GRM4: variants seen among roughly 807,000 people sequenced by gnomAD.
GRM4 encodes the protein metabotropic glutamate receptor 4.
In GRM4, 28 loss-of-function variants were observed where a neutral mutation model predicts 81.7. That is an observed-to-expected ratio of 0.34 (90% CI 0.25 to 0.47). The LOEUF (loss-of-function observed/expected upper bound fraction) is 0.47, where lower values mean the gene tolerates loss of function less well. Ranked by LOEUF, GRM4 falls within the 20% of genes least tolerant of loss-of-function variation. The pLI, the probability that GRM4 is intolerant of heterozygous loss-of-function variation, is 1.00. For missense variants in GRM4, 948 were observed against 1,290.0 expected, an observed-to-expected ratio of 0.73 and a Z score of 4.06; for synonymous variants, 488 against 528.8, an observed-to-expected ratio of 0.92 and a Z score of 1.06.
Position 34,028,167 on chromosome 6 carries a change from G to A in GRM4, c.2642C>T (p.Pro881Leu), listed in dbSNP as rs1358097046. ...GAGCTCAGACTTGGCCTCTCCGTTG[G>A]GCCGGAAGTTGCCCTTCTGCGTGAA... The part of the protein sequence containing the change: ...NKFTQKGNFR[P>L]NGEAKSELCE... Residue 881 changes from proline to leucine, a missense_variant, in exon 10 of 11, where the codon CCC becomes CTC. By Grantham distance (98) the Pro-to-Leu change is moderately conservative (BLOSUM62 -3). Transcript: ENST00000538487. 1 of 1,614,034 alleles carries A rather than the reference G, an allele frequency of 6.2e-7. No individual in the cohort carries two copies.
At chr6:34,150,376 C>T (rs1051739055), upstream of GRM4, among the ~76,000 whole-genome samples, 1 of 152,072 alleles carries the variant, frequency 6.6e-6, no homozygotes, top group Non-Finnish European at 1.5e-5. Flanking sequence ...AGGAGCACCC[C>T]GCAAGAGTGG....
intron 2 of GRM4, among the ~76,000 whole-genome samples, chr6:34,132,053 T>C (rs1005343860): frequency 6.6e-6 from 1 of 152,156 alleles, no homozygotes. Flanking sequence ...AAAATGCTTG[T>C]AATGTTTTTC....
chr6:34,045,757 A>G (rs561695790), intron 6 of GRM4, among the ~76,000 whole-genome samples: 1 of 152,352 alleles, frequency 6.6e-6, no homozygotes, highest in East Asian at 1.9e-4. Flanking sequence ...CCCCAGGACC[A>G]GGCAGGGGCA....
intron 2 of GRM4, among the ~76,000 whole-genome samples, chr6:34,109,965 T>C (rs1021814735): frequency 3.3e-5 from 5 of 152,138 alleles, no homozygotes; most frequent in African/African-American, 1.2e-4. Flanking sequence ...CTTCCCTTGG[T>C]GGTCTAGGTC....
chr6:34,065,447 A>G (rs76591831), intron 3 of GRM4, among the ~76,000 whole-genome samples: 10,896 of 152,280 alleles, frequency 0.072, 529 homozygotes, highest in Middle Eastern at 0.12. Flanking sequence ...GCCCTCAGGG[A>G]ACAAGCCCAC....
At position 34,049,272 on chromosome 6, in the gene GRM4, T is replaced by A. The variant is rs146479228; in HGVS notation, c.1168+7272A>T. ...ATACAATGGCCCCGTCCAGCCCTTG[T>A]CTCACTTGGCCCCTGGACAGCATGT... On this transcript the variant is annotated intron_variant, in intron 6 of 10. Coordinates refer to ENST00000538487, the MANE Select transcript of GRM4 (RefSeq NM_000841.4). 5.3e-4 allele frequency among the ~76,000 whole-genome samples: 80 copies of A among 152,158 alleles called. 1 individual carries two copies. The East Asian group carries it at 0.015, about 29-fold the overall frequency.
At chr6:34,098,879 G>C (rs999581544) in intron 2 of GRM4, among the ~76,000 whole-genome samples, 2 of 152,258 alleles carry the variant, frequency 1.3e-5, no homozygotes, top group Non-Finnish European at 2.9e-5. Context: ...GGGGGTGGGG[G>C]CTGGGAGGGG....
chr6:34,119,957 C>A (rs999222849), intron 2 of GRM4, among the ~76,000 whole-genome samples: 2 of 152,306 alleles, frequency 1.3e-5, no homozygotes, highest in Non-Finnish European at 2.9e-5. Context: ...CCAGCCCGTA[C>A]GCAGGCCTGA....
At chr6:34,153,382 C>A (rs781656837) in intron 1 of GRM4, among the ~76,000 whole-genome samples, 40 of 152,252 alleles carry the variant, frequency 2.6e-4, no homozygotes, top group Non-Finnish European at 4.6e-4. Context: ...CCATCCCCCA[C>A]ACTCCGGGCA....
rs1769373778 is a variant in GRM4, at chr6:34,111,345, A to G, written c.520-19246T>C. On this transcript the variant is annotated intron_variant, in intron 2 of 10. Coordinates refer to ENST00000538487, the MANE Select transcript of GRM4 (RefSeq NM_000841.4). This position sits in a 1 kb window ranked among gnomAD's most constrained non-coding sequence, Gnocchi z 5.1. Reference sequence around the variant, plus strand: ...TTGAGTCCCACACATACTTTCCTGGACTCACACTCACAGGCCTCTTGGTGG... The same window carrying G: ...TTGAGTCCCACACATACTTTCCTGGGCTCACACTCACAGGCCTCTTGGTGG... Among the ~76,000 whole-genome samples the G allele has an allele frequency of 6.8e-6, 1 of 147,988 alleles. No individual in the cohort carries two copies. The highest frequency in any genetic ancestry group is 2.5e-5 in the African/African-American group (1 of 39,472).
rs563969612 is a variant in GRM4, at chr6:34,028,171, G to A, written c.2638C>T (p.Arg880Trp). The change falls in exon 10 of 11, where the codon CGG becomes TGG. Residue 880 changes from arginine to tryptophan, a missense_variant. Physicochemically the swap from Arg to Trp is moderately radical, Grantham distance 101 (BLOSUM62 -3). Transcript: ENST00000538487. ...SNKFTQKGNF[R>W]PNGEAKSELC... ...TCAGACTTGGCCTCTCCGTTGGGCC[G>A]GAAGTTGCCCTTCTGCGTGAACTTG... 5.0e-6 allele frequency: 8 copies of A among 1,614,004 alleles called. No individual in the cohort carries two copies. The highest frequency in any genetic ancestry group is 3.3e-5 in the Admixed American group (2 of 60,028).
At chr6:34,138,527 G>A (rs146974981) in intron 1 of GRM4, among the ~76,000 whole-genome samples, 20 of 152,352 alleles carry the variant, frequency 1.3e-4, no homozygotes, top group Middle Eastern at 3.4e-3. Context: ...AAGGGGAAAT[G>A]AGGGAGAACT....
Position 34,059,487 on chromosome 6 carries a change from G to A in GRM4, c.873-359C>T, listed in dbSNP as rs1248537624. On this transcript the variant is annotated intron_variant, in intron 4 of 10. Transcript: ENST00000538487. This position sits in a 1 kb window ranked among gnomAD's most constrained non-coding sequence, Gnocchi z 5.7. Reference sequence around the variant, plus strand: ...CCCACAACCACCTCTGCCCAGCCCCGGTCCCCTGAGACGCATGCCTTCCTG... The same window carrying A: ...CCCACAACCACCTCTGCCCAGCCCCAGTCCCCTGAGACGCATGCCTTCCTG... 5 of 312,474 alleles carry A rather than the reference G, an allele frequency of 1.6e-5. No individual in the cohort carries two copies. The highest frequency in any genetic ancestry group is 1.5e-4 in the East Asian group (2 of 13,554). The allele number at this position is 312,474 out of a possible 1,614,324, so 19.4% of individuals were successfully genotyped here.
At position 34,090,237 on chromosome 6, in the gene GRM4, T is replaced by C. The variant is rs942793113; in HGVS notation, c.736+1646A>G. On this transcript the variant is annotated intron_variant, in intron 3 of 10. Coordinates refer to ENST00000538487, the MANE Select transcript of GRM4 (RefSeq NM_000841.4). This position sits in a 1 kb window ranked among gnomAD's most constrained non-coding sequence, Gnocchi z 5.2. The stretch of plus-strand genomic sequence containing the variant: ...ACTGAACACAACTGAACACGGAGAC[T>C]CAGGGCCCTTGATCCCTTCCCCCAT... 6.6e-6 allele frequency among the ~76,000 whole-genome samples: 1 copy of C among 152,134 alleles called. No individual in the cohort carries two copies. The highest frequency in any genetic ancestry group is 1.9e-4 in the East Asian group (1 of 5,190).
chr6:34,059,127 G>C lies in GRM4; in HGVS notation c.874C>G (p.Arg292Gly), dbSNP rs561760325. ...IIFANEDDIR[R>G]VLEAARRANQ... ...GCCCTTCGTGCTGCCTCCAGCACAC[G>C]CCTGTAGGAACATACACCAGCCCAG... The change falls in exon 5 of 11, where the codon CGT (arginine) becomes GGT (glycine). Residue 292 changes from arginine (R) to glycine (G), a missense_variant and splice_region_variant. Physicochemically the swap from Arg to Gly is moderately radical, Grantham distance 125. Transcript: ENST00000538487. This position sits in a 1 kb window ranked among gnomAD's most constrained non-coding sequence, Gnocchi z 5.7. 1.2e-6 allele frequency: 2 copies of C among 1,612,986 alleles called. No homozygotes were observed. The highest frequency in any genetic ancestry group is 3.3e-5 in the Admixed American group (2 of 59,990).
intron 2 of GRM4, among the ~76,000 whole-genome samples, chr6:34,122,612 G>T (rs1196380077): frequency 1.4e-5 from 2 of 145,196 alleles, no homozygotes; most frequent in Non-Finnish European, 3.0e-5. Context: ...TTCAGCGGTG[G>T]GCGGGGGGTG....
rs750350212 is a variant in GRM4, at chr6:34,056,558, AC to A, written c.1153del (p.Val385SerfsTer25). ...SRHALKKGSH[V>X]KKCTNRERIG... Reference sequence around the variant, plus strand: ...CGCGTGCTCACTGGTGCACTTCTTGACGTGGCTGCCCTTCTTGAGGGCGTGG... The same window carrying A: ...CGCGTGCTCACTGGTGCACTTCTTGAGTGGCTGCCCTTCTTGAGGGCGTGG... On this transcript the variant is annotated frameshift_variant, in exon 6 of 11. Coordinates refer to ENST00000538487, the MANE Select transcript of GRM4 (RefSeq NM_000841.4). LOFTEE classifies it high-confidence loss of function. The A allele has an allele frequency of 3.1e-6, 5 of 1,612,936 alleles. No homozygotes were observed. The highest frequency in any genetic ancestry group is 4.2e-6 in the Non-Finnish European group (5 of 1,179,760).
chr6:34,074,667 G>A lies in GRM4; in HGVS notation c.737-12639C>T, dbSNP rs183015597. ...ACAGCTGCATTATTCATGGCGCTAG[G>A]CTCTGAGCAGAGGGAAATTTGCTGA... On this transcript the variant is annotated intron_variant, in intron 3 of 10. Transcript: ENST00000538487. This position sits in a 1 kb window ranked among gnomAD's most constrained non-coding sequence, Gnocchi z 4.9. Among the ~76,000 whole-genome samples the A allele has an allele frequency of 6.6e-5, 10 of 152,350 alleles. No individual in the cohort carries two copies. Among genetic ancestry groups the A allele is most frequent in the Non-Finnish European group, 1.2e-4 (8 of 68,038 alleles).
intron 2 of GRM4, among the ~76,000 whole-genome samples, chr6:34,128,418 G>A (rs371220455): frequency 1.4e-5 from 2 of 138,508 alleles, no homozygotes; most frequent in Non-Finnish European, 3.0e-5. Flanking sequence ...CGCTCTTGTC[G>A]CCCAGGCTGG....
Sources: allele counts gnomAD v4.1 joint callset (sites outside exome capture counted in the v4.1 genomes callset), GRCh38; gene constraint gnomAD v4.1.1; non-coding constraint Gnocchi (gnomAD v3.1); transcripts MANE v1.5; gene names NCBI Gene and HGNC (gene_info 2026-07-23, HGNC 2026-07-21).